ZBTB38: variants seen among roughly 807,000 people sequenced by gnomAD.
ZBTB38 encodes the protein zinc finger and BTB domain containing 38, also known as zinc finger and BTB domain-containing protein 38.
In ZBTB38, 20 loss-of-function variants were observed where a neutral mutation model predicts 76.8. The observed-to-expected ratio is 0.26, with a 90% CI of 0.18 to 0.38. ZBTB38 has a LOEUF of 0.38. ZBTB38 is among the 10% of genes least tolerant of loss of function. The probability of loss-of-function intolerance (pLI) is 1.00; values close to 1 mark genes in which losing one functional copy is unlikely to be tolerated. For missense variants in ZBTB38, 1,082 were observed against 1,482.3 expected (o/e 0.73, Z 4.43); for synonymous variants, 504 against 544.2 (o/e 0.93, Z 1.03).
At chr3:141,390,567 T>C (rs1414032085) in intron 4 of ZBTB38, among the ~76,000 whole-genome samples, 1 of 152,250 alleles carries the variant, frequency 6.6e-6, no homozygotes, top group East Asian at 1.9e-4. Context: ...TTAGAGCCTC[T>C]TCACTGTTAT....
At chr3:141,349,870 A>G (rs907220031) in intron 1 of ZBTB38, among the ~76,000 whole-genome samples, 2 of 152,210 alleles carry the variant, frequency 1.3e-5, no homozygotes, top group African/African-American at 4.8e-5. Context: ...GAGATATTGC[A>G]TCATAAAAGA....
intron 5 of ZBTB38, chr3:141,425,966 A>G (rs915059331): frequency 8.3e-6 from 3 of 360,244 alleles, no homozygotes; most frequent in Non-Finnish European, 1.7e-5. Flanking sequence ...TGCAGTGTGT[A>G]GAACGGTGCA....
chr3:141,424,131 A>G (rs2075956095), intron 5 of ZBTB38, among the ~76,000 whole-genome samples: 1 of 152,254 alleles, frequency 6.6e-6, no homozygotes, highest in South Asian at 2.1e-4. Context: ...AAATTTATTG[A>G]TGATCTAAGT....
At chr3:141,440,765 G>A (rs1001115842) in intron 5 of ZBTB38, among the ~76,000 whole-genome samples, 2 of 152,328 alleles carry the variant, frequency 1.3e-5, no homozygotes, top group South Asian at 4.1e-4. Context: ...GCTGGGTGCA[G>A]TGGCTCACAC....
intron 1 of ZBTB38, among the ~76,000 whole-genome samples, chr3:141,356,180 A>G (rs1457508529): frequency 1.3e-5 from 2 of 152,124 alleles, no homozygotes; most frequent in African/African-American, 4.8e-5. Flanking sequence ...CATGGAAAGA[A>G]AGCATTAACT....
At chr3:141,440,926 C>T (rs929463526) in intron 5 of ZBTB38, among the ~76,000 whole-genome samples, 6 of 149,382 alleles carry the variant, frequency 4.0e-5, no homozygotes, top group African/African-American at 9.9e-5. Flanking sequence ...CCCAGCTACT[C>T]GGGAGGCTGA....
At chr3:141,423,632 G>C (rs564805228) in intron 5 of ZBTB38, among the ~76,000 whole-genome samples, 3 of 152,270 alleles carry the variant, frequency 2.0e-5, no homozygotes, top group African/African-American at 7.2e-5. Flanking sequence ...GGAAAGCTTG[G>C]AACTATCAAC....
chr3:141,432,671 TAG>T (rs2077883624), intron 5 of ZBTB38, among the ~76,000 whole-genome samples: 1 of 152,244 alleles, frequency 6.6e-6, no homozygotes, highest in Admixed American at 6.5e-5. Flanking sequence ...TTGTAAGAAT[TAG>T]AGTTTATATG....
Position 141,445,858 on chromosome 3 carries a change from A to C in ZBTB38, c.3470A>C (p.Lys1157Thr). ...HLFKSPSQQE[K>T]IGDVCHENSN... Reference sequence around the variant, plus strand: ...TTCAAAAGCCCAAGTCAGCAGGAGAAAATAGGTGACGTGTGCCACGAAAAC... The same window carrying C: ...TTCAAAAGCCCAAGTCAGCAGGAGACAATAGGTGACGTGTGCCACGAAAAC... The change falls in exon 6 of 6, where the codon AAA becomes ACA. Residue 1157 changes from lysine (K) to threonine (T), a missense_variant. Around this residue, in one of 8 missense-constraint regions of ZBTB38, gnomAD observed 54 missense variants for 57.9 expected, o/e 0.93. Transcript: ENST00000321464. This position sits in a 1 kb window ranked among gnomAD's most constrained non-coding sequence, Gnocchi z 6.5. 1 of 1,613,684 alleles carries C rather than the reference A, an allele frequency of 6.2e-7. No individual in the cohort carries two copies. Among genetic ancestry groups the C allele is most frequent in the Non-Finnish European group, 8.5e-7 (1 of 1,180,040 alleles).
chr3:141,342,747 T>TA (rs1322284250), intron 1 of ZBTB38, among the ~76,000 whole-genome samples: 34 of 142,462 alleles, frequency 2.4e-4, no homozygotes, highest in African/African-American at 9.0e-4. Flanking sequence ...TTTTTTTTTT[T>TA]AATGCACAGA....
rs2080586099 is a variant in ZBTB38, at chr3:141,443,115, A to G, written c.727A>G (p.Ser243Gly). The change falls in exon 6 of 6, where the codon AGT (serine) becomes GGT (glycine). Residue 243 changes from serine to glycine, a missense_variant. Transcript: ENST00000321464. The surrounding 1 kb of genome is among the most constrained non-coding windows in gnomAD (Gnocchi z 5.6). ...TCAGCCTGTACGTGAACATGATGGCAGTTCACCTGGTAACACAGGGAAAGA... is the reference window on the plus strand; with the variant it reads ...TCAGCCTGTACGTGAACATGATGGCGGTTCACCTGGTAACACAGGGAAAGA... Reference protein sequence around the residue: ...RSQPVREHDGSSPGNTGKENC... With the variant: ...RSQPVREHDGGSPGNTGKENC... 6.2e-7 allele frequency: 1 copy of G among 1,614,238 alleles called. No individual in the cohort carries two copies. The highest frequency in any genetic ancestry group is 2.2e-5 in the East Asian group (1 of 44,882).
intron 2 of ZBTB38, among the ~76,000 whole-genome samples, chr3:141,374,869 C>A (rs893104019): frequency 6.6e-6 from 1 of 152,112 alleles, no homozygotes; most frequent in Admixed American, 6.5e-5. Flanking sequence ...GGTGAATTGG[C>A]CCCTAGAAAG....
Position 141,442,981 on chromosome 3 carries a change from C to T in ZBTB38, c.593C>T (p.Thr198Ile), listed in dbSNP as rs896057076. 1.2e-6 allele frequency: 2 copies of T among 1,614,252 alleles called. No individual in the cohort carries two copies. The highest frequency in any genetic ancestry group is 1.7e-6 in the Non-Finnish European group (2 of 1,180,040). Residue 198 changes from threonine to isoleucine, a missense_variant, in exon 6 of 6, where the codon ACA becomes ATA. By Grantham distance (89) the Thr-to-Ile change is moderately conservative. Transcript: ENST00000321464. This position sits in a 1 kb window ranked among gnomAD's most constrained non-coding sequence, Gnocchi z 6.4. ...SFKKVSDSMR[T>I]ASLCLERTDV... ...AAAAAGGTCTCCGACTCCATGAGAA[C>T]AGCTAGCCTTTGCCTGGAGAGGACG...
chr3:141,336,125 TG>T lies in ZBTB38; in HGVS notation c.-739+11672del, dbSNP rs529876462. 3.3e-4 allele frequency among the ~76,000 whole-genome samples: 50 copies of T among 152,290 alleles called. No homozygotes were observed. In the South Asian group the frequency reaches 7.7e-3, roughly 23 times the overall value. ...AGTCCTGTGCTGGAACTGCTAACCATGGGAGAAGGGACCCTCCCAACTTTAC... is the reference window on the plus strand; with the variant it reads ...AGTCCTGTGCTGGAACTGCTAACCATGGAGAAGGGACCCTCCCAACTTTAC... On this transcript the variant is annotated intron_variant, in intron 1 of 7. Coordinates refer to the ZBTB38 transcript ENST00000509842.
At chr3:141,372,074 G>A (rs1396897220) in intron 2 of ZBTB38, among the ~76,000 whole-genome samples, 1 of 152,208 alleles carries the variant, frequency 6.6e-6, no homozygotes, top group Non-Finnish European at 1.5e-5. Context: ...TGAAGAGCAT[G>A]TATTGTCTGT....
intron 1 of ZBTB38, among the ~76,000 whole-genome samples, chr3:141,354,457 C>T (rs1488842670): frequency 6.6e-6 from 1 of 152,100 alleles, no homozygotes; most frequent in Admixed American, 6.6e-5. Context: ...TTCTTCTTCC[C>T]TGGAGTTTCT....
chr3:141,402,874 T>C (rs1176419595), intron 4 of ZBTB38: 1 of 152,234 alleles, frequency 6.6e-6, no homozygotes, highest in Non-Finnish European at 1.5e-5. Context: ...GTCTCCTGGA[T>C]TGGGAATCGG....
intron 1 of ZBTB38, among the ~76,000 whole-genome samples, chr3:141,369,517 G>A (rs1047323660): frequency 2.0e-5 from 3 of 152,148 alleles, no homozygotes; most frequent in African/African-American, 7.2e-5. Context: ...TCCTACCCAA[G>A]AAAGTTAAGT....
At chr3:141,328,805 C>T (rs186890294) in intron 1 of ZBTB38, among the ~76,000 whole-genome samples, 2 of 152,302 alleles carry the variant, frequency 1.3e-5, no homozygotes, top group East Asian at 3.9e-4. Context: ...ATTCCCTCCT[C>T]ATCTCCTTTC....
Sources: allele counts gnomAD v4.1 joint callset (sites outside exome capture counted in the v4.1 genomes callset), GRCh38; gene constraint gnomAD v4.1.1; regional missense constraint gnomAD v4.1.1; non-coding constraint Gnocchi (gnomAD v3.1); transcripts MANE v1.5; gene names NCBI Gene and HGNC (gene_info 2026-07-23, HGNC 2026-07-21).